The following CSMD1 variants were observed in gnomAD, a reference collection of about 807,000 sequenced individuals.
CSMD1 encodes the protein CUB and sushi domain-containing protein 1.
A neutral mutation model predicts 417.5 loss-of-function variants in CSMD1; 213 were observed. That is an observed-to-expected ratio of 0.51 (90% CI 0.46 to 0.57). The LOEUF (loss-of-function observed/expected upper bound fraction) is 0.57. Ranked by LOEUF, CSMD1 falls within the 20% of genes least tolerant of loss-of-function variation. CSMD1 has a pLI of 0.00. For missense variants in CSMD1, 6,923 were observed against 4,529.7 expected (o/e 1.53, Z -15.17); for synonymous variants, 2,862 against 1,736.8 (o/e 1.65, Z -16.11).
rs555743622 is a variant in CSMD1 at position 4,219,134 on chromosome 8, T to G, written c.416-187035A>C. ...TGATCAGACCCAGCCTCCTTTCATCTGTGCCCTTTTTGTAGCACCTGGTGT... is the reference window on the plus strand; with the variant it reads ...TGATCAGACCCAGCCTCCTTTCATCGGTGCCCTTTTTGTAGCACCTGGTGT... On this transcript the variant is annotated intron_variant, in intron 3 of 69. Transcript: ENST00000635120. Among the ~76,000 whole-genome samples the G allele has an allele frequency of 1.8e-4, 28 of 152,318 alleles. No homozygotes were observed. The East Asian group carries it at 5.4e-3, about 29-fold the overall frequency.
intron 3 of CSMD1, among the ~76,000 whole-genome samples, chr8:4,376,967 T>A (rs1273964718): frequency 6.6e-6 from 1 of 152,152 alleles, no homozygotes; most frequent in East Asian, 1.9e-4. Flanking sequence ...ACCGCACAGG[T>A]GCTGAGCACC....
chr8:4,968,211 A>T (rs951939077), intron 1 of CSMD1, among the ~76,000 whole-genome samples: 2 of 152,038 alleles, frequency 1.3e-5, no homozygotes, highest in East Asian at 3.9e-4. Context: ...GTATTTTAGA[A>T]TCAGGGTTTT....
intron 3 of CSMD1, among the ~76,000 whole-genome samples, chr8:4,315,661 A>T (rs975998567): frequency 6.6e-6 from 1 of 152,206 alleles, no homozygotes; most frequent in Non-Finnish European, 1.5e-5. Flanking sequence ...CAAGGTTTAC[A>T]TCAGCATAAA....
intron 1 of CSMD1, among the ~76,000 whole-genome samples, chr8:4,734,453 G>C (rs1329060242): frequency 1.3e-5 from 2 of 152,084 alleles, no homozygotes; most frequent in Admixed American, 1.3e-4. Flanking sequence ...TAGGAATTCT[G>C]TGACTAATAA....
intron 3 of CSMD1, among the ~76,000 whole-genome samples, chr8:4,179,546 A>C (rs1798240253): frequency 6.6e-6 from 1 of 150,620 alleles, no homozygotes; most frequent in African/African-American, 2.4e-5. Context: ...AAACACCAAA[A>C]GCAATGACAA....
intron 3 of CSMD1, among the ~76,000 whole-genome samples, chr8:4,351,583 C>T (rs142080715): frequency 1.8e-4 from 27 of 152,160 alleles, no homozygotes; most frequent in African/African-American, 6.5e-4. Context: ...ATGTTTTATG[C>T]AAAAATCCTG....
intron 21 of CSMD1, among the ~76,000 whole-genome samples, chr8:3,354,533 G>T (rs1047561480): frequency 1.3e-5 from 2 of 151,978 alleles, no homozygotes; most frequent in African/African-American, 2.4e-5. Flanking sequence ...AATCTTGCCC[G>T]TAATAGAAGT....
chr8:3,299,999 G>A (rs931064818), intron 25 of CSMD1, among the ~76,000 whole-genome samples: 1 of 152,074 alleles, frequency 6.6e-6, no homozygotes, highest in Non-Finnish European at 1.5e-5. Context: ...AAAGTGCCCT[G>A]GAGGTGACAC....
chr8:4,983,897 C>T (rs1811033373), intron 1 of CSMD1, among the ~76,000 whole-genome samples: 1 of 151,998 alleles, frequency 6.6e-6, no homozygotes, highest in Admixed American at 6.6e-5. Flanking sequence ...GGAAACAAAG[C>T]TCAAAGTTAT....
intron 2 of CSMD1, among the ~76,000 whole-genome samples, chr8:4,622,338 C>CTG (rs1801831089): frequency 6.6e-6 from 1 of 152,042 alleles, no homozygotes. Flanking sequence ...AAAATGCATG[C>CTG]TGAGGCTCAA....
At chr8:3,261,554 C>T (rs1172861516) in intron 26 of CSMD1, among the ~76,000 whole-genome samples, 1 of 152,236 alleles carries the variant, frequency 6.6e-6, no homozygotes, top group Non-Finnish European at 1.5e-5. Context: ...CGTGAATGTT[C>T]ATCACAGCTG....
At chr8:3,582,317 T>C (rs956131584) in intron 9 of CSMD1, among the ~76,000 whole-genome samples, 9 of 152,198 alleles carry the variant, frequency 5.9e-5, no homozygotes, top group Non-Finnish European at 1.0e-4. Flanking sequence ...TCACCTCTTC[T>C]CTAATGGATG....
chr8:3,835,542 G>A (rs150446583), intron 5 of CSMD1, among the ~76,000 whole-genome samples: 1 of 151,874 alleles, frequency 6.6e-6, no homozygotes, highest in Non-Finnish European at 1.5e-5. Context: ...CACAGGAAAG[G>A]GAACATCGCA....
intron 1 of CSMD1, among the ~76,000 whole-genome samples, chr8:4,982,596 T>C (rs1383059258): frequency 6.6e-6 from 1 of 152,220 alleles, no homozygotes; most frequent in Non-Finnish European, 1.5e-5. Context: ...TAGGTTCTAT[T>C]CTTAAAATAT....
rs1361869274 is a variant in CSMD1, at chr8:3,795,677, T to G, written c.819-41635A>C. 4.8e-5 allele frequency among the ~76,000 whole-genome samples: 2 copies of G among 41,422 alleles called. 1 individual carries two copies. Among genetic ancestry groups the G allele is most frequent in the Non-Finnish European group, 8.8e-5 (2 of 22,620 alleles). The allele number at this position is 41,422 out of a possible 152,430, so 27.2% of individuals were successfully genotyped here. On this transcript the variant is annotated intron_variant, in intron 5 of 69. Transcript: ENST00000635120. Reference sequence around the variant, plus strand: ...TATCTATCATAGATATAGATATATATCTATCATGTATAGATATAGATATAT... The same window carrying G: ...TATCTATCATAGATATAGATATATAGCTATCATGTATAGATATAGATATAT...
intron 5 of CSMD1, among the ~76,000 whole-genome samples, chr8:3,782,919 G>T (rs1366365364): frequency 6.6e-6 from 1 of 152,154 alleles, no homozygotes. Flanking sequence ...TAAAACTGTG[G>T]TTAAAAATAC....
chr8:3,421,997 A>C (rs1168756987), intron 12 of CSMD1, among the ~76,000 whole-genome samples: 2 of 151,754 alleles, frequency 1.3e-5, no homozygotes, highest in Non-Finnish European at 2.9e-5. Flanking sequence ...TTAGAGCGTG[A>C]GCCACCGCGC....
At chr8:3,854,115 A>C (rs143687686) in intron 5 of CSMD1, among the ~76,000 whole-genome samples, 28 of 145,606 alleles carry the variant, frequency 1.9e-4, no homozygotes, top group Middle Eastern at 3.6e-3. Flanking sequence ...ATATAGTTAT[A>C]TATTATACTT....
At chr8:3,353,745 C>G (rs184445779) in intron 21 of CSMD1, among the ~76,000 whole-genome samples, 2 of 127,982 alleles carry the variant, frequency 1.6e-5, no homozygotes, top group African/African-American at 5.5e-5. Flanking sequence ...CTATTTAATA[C>G]TAATTTAAGA....
Sources: allele counts gnomAD v4.1 joint callset (sites outside exome capture counted in the v4.1 genomes callset), GRCh38; gene constraint gnomAD v4.1.1; transcripts MANE v1.5; gene names NCBI Gene and HGNC (gene_info 2026-07-23, HGNC 2026-07-21).